NUP214: variants seen among roughly 807,000 people sequenced by gnomAD.
NUP214 encodes the protein nucleoporin 214, also known as nuclear pore complex protein Nup214.
NUP214 carries 79 observed loss-of-function variants against 196.2 expected under a neutral mutation model. The ratio of observed to expected loss-of-function variants is 0.40; its 90% CI spans 0.34 to 0.49. The LOEUF is 0.49. Ranked by LOEUF, NUP214 falls within the 20% of genes least tolerant of loss-of-function variation. NUP214 has a pLI of 0.58. For synonymous variants in NUP214, 1,020 were observed against 990.5 expected (o/e 1.03, Z -0.56); for missense variants, 2,468 against 2,539.0 (o/e 0.97, Z 0.60).
Position 131,232,577 on chromosome 9 carries a change from G to A in NUP214, c.6239+269G>A. 1.8e-6 allele frequency: 1 copy of A among 555,996 alleles called. No homozygotes were observed. The highest frequency in any genetic ancestry group is 3.2e-6 in the Non-Finnish European group (1 of 310,060). 34.4% of individuals were successfully genotyped at this position (555,996 alleles called of 1,614,324 possible). A position where few individuals can be genotyped will look rare whatever the true frequency, so the allele number is the denominator to read the frequency against. ...CGCCTGCCAGTGAGCTGGGCCTGAG[G>A]GCAGCGCTGAGGAGATGCTGCTCCT... On this transcript the variant is annotated intron_variant, in intron 35 of 35. Transcript: ENST00000359428. The surrounding 1 kb of genome is among the most constrained non-coding windows in gnomAD (Gnocchi z 5.1).
intron 26 of NUP214, chr9:131,190,502 A>G: frequency 1.5e-6 from 1 of 685,554 alleles, no homozygotes; most frequent in East Asian, 2.7e-5. Flanking sequence ...TTAGAAAAGA[A>G]CTTTTTTCTT....
intron 11 of NUP214, among the ~76,000 whole-genome samples, chr9:131,142,075 T>A (rs1452344353): frequency 6.6e-6 from 1 of 152,220 alleles, no homozygotes; most frequent in Non-Finnish European, 1.5e-5. Flanking sequence ...ACCAGATGGC[T>A]TGCAGAGTGT....
chr9:131,223,401 G>C (rs950904072), intron 32 of NUP214, among the ~76,000 whole-genome samples: 12 of 152,192 alleles, frequency 7.9e-5, no homozygotes, highest in African/African-American at 2.6e-4. Flanking sequence ...TCTTGACCTT[G>C]TGATCCGCCC....
intron 2 of NUP214, 125 bp downstream of exon 2, chr9:131,127,844 CAAG>C (rs1323049783): frequency 2.3e-5 from 16 of 707,662 alleles, no homozygotes; most frequent in Non-Finnish European, 3.7e-5. Context: ...GGTTGACTCC[CAAG>C]AAGATTAATG....
rs115611924 is a variant in NUP214, at chr9:131,162,031, T to C, written c.2541-960T>C. 8.0e-3 allele frequency among the ~76,000 whole-genome samples: 1,213 copies of C among 152,304 alleles called. 21 individuals carry two copies. Among genetic ancestry groups the C allele is most frequent in the African/African-American group, 0.027 (1,140 of 41,570 alleles). On this transcript the variant is annotated intron_variant, in intron 18 of 35. Transcript: ENST00000359428. Reference sequence around the variant, plus strand: ...TTTTTTGATTTTTTTTTTAAGCTTATCAGCCAGCATTAGTATATTTTATGT... The same window carrying C: ...TTTTTTGATTTTTTTTTTAAGCTTACCAGCCAGCATTAGTATATTTTATGT...
At position 131,233,863 on chromosome 9, in the gene NUP214, C is replaced by T. The variant is rs1307973499; in HGVS notation, c.*376C>T. 4.5e-5 allele frequency: 18 copies of T among 397,738 alleles called. No homozygotes were observed. Among genetic ancestry groups the T allele is most frequent in the Non-Finnish European group, 7.1e-5 (15 of 210,446 alleles). The allele number at this position is 397,738 out of a possible 1,614,324, so 24.6% of individuals were successfully genotyped here. The stretch of plus-strand genomic sequence containing the variant: ...TGTTGATAAACAGCATCGAATGTGC[C>T]GTGGTCTCACTTGGACCTAGCGCCC... On this transcript the variant is annotated 3_prime_UTR_variant, in exon 36 of 36. Transcript: ENST00000359428.
intron 9 of NUP214, chr9:131,136,705 C>G (rs1564179452): frequency 6.6e-6 from 1 of 152,234 alleles, no homozygotes; most frequent in African/African-American, 2.4e-5. Flanking sequence ...GAAAAACTGT[C>G]AGAAGGAGCA....
At chr9:131,194,083 C>G (rs1432174093) in intron 27 of NUP214, 1 of 150,070 alleles carries the variant, frequency 6.7e-6, no homozygotes, top group East Asian at 1.9e-4. Flanking sequence ...GCAAAGGTGT[C>G]TAAGTTATTA....
chr9:131,136,165 A>G (rs1027307146), intron 9 of NUP214, among the ~76,000 whole-genome samples, 159 bp downstream of exon 9: 1 of 152,168 alleles, frequency 6.6e-6, no homozygotes, highest in African/African-American at 2.4e-5. Context: ...TCAGCCTCCC[A>G]AGTAGCTGGG....
At chr9:131,138,446 G>C (rs1250659860) in intron 9 of NUP214, among the ~76,000 whole-genome samples, 1 of 152,086 alleles carries the variant, frequency 6.6e-6, no homozygotes, top group Non-Finnish European at 1.5e-5. Context: ...TCAAACTCCT[G>C]ACCCCAGGTG....
intron 24 of NUP214, among the ~76,000 whole-genome samples, chr9:131,179,250 C>T (rs1359421070): frequency 6.6e-6 from 1 of 152,164 alleles, no homozygotes; most frequent in Non-Finnish European, 1.5e-5. Context: ...GATCCTCTCA[C>T]CTCATCCTCA....
chr9:131,150,477 AC>A, intron 15 of NUP214, 67 bp downstream of exon 15: 3 of 1,577,388 alleles, frequency 1.9e-6, no homozygotes, highest in Non-Finnish European at 2.6e-6. Flanking sequence ...CAGAGTGCCA[AC>A]CCCTGTATGA....
intron 21 of NUP214, among the ~76,000 whole-genome samples, chr9:131,165,637 A>T (rs1832766225): frequency 6.6e-6 from 1 of 152,206 alleles, no homozygotes; most frequent in Admixed American, 6.5e-5. Context: ...TACCCCAAAT[A>T]ATTGAAAATA....
intron 27 of NUP214, among the ~76,000 whole-genome samples, chr9:131,195,016 C>T (rs1052340168): frequency 5.3e-5 from 8 of 152,344 alleles, no homozygotes; most frequent in East Asian, 1.9e-4. Context: ...CAACTGCTAT[C>T]CCTGTCGTAT....
At chr9:131,171,558 T>C (rs1832957291) in intron 21 of NUP214, among the ~76,000 whole-genome samples, 1 of 151,764 alleles carries the variant, frequency 6.6e-6, no homozygotes, top group Non-Finnish European at 1.5e-5. Flanking sequence ...TTTTTTTTTT[T>C]TTTTTTTGTT....
At chr9:131,174,547 C>G (rs1339159845) in intron 22 of NUP214, among the ~76,000 whole-genome samples, 1 of 136,478 alleles carries the variant, frequency 7.3e-6, no homozygotes, top group East Asian at 2.4e-4. Flanking sequence ...CTCCTGGGTT[C>G]AAATGATTCT....
chr9:131,172,867 A>G (rs571869161), intron 21 of NUP214, among the ~76,000 whole-genome samples: 1 of 152,294 alleles, frequency 6.6e-6, no homozygotes, highest in South Asian at 2.1e-4. Flanking sequence ...AGCCATTTTA[A>G]ATAACTTGGG....
At chr9:131,143,894 T>A (rs1194116537) in intron 11 of NUP214, among the ~76,000 whole-genome samples, 1 of 152,178 alleles carries the variant, frequency 6.6e-6, no homozygotes, top group Non-Finnish European at 1.5e-5. Context: ...TCCTTTGTTT[T>A]GAGATACCTG....
chr9:131,140,607 G>A lies in NUP214; in HGVS notation c.1191G>A (p.Val397=). The change falls in exon 11 of 36, where the codon GTG becomes GTA. Residue 397 remains valine, a synonymous_variant. Transcript: ENST00000359428. ...PVLMLLSTDG[V]LCPFYMINQN... The stretch of plus-strand genomic sequence containing the variant: ...TCATGTTACTTTCAACAGATGGTGT[G>A]CTTTGTCCATTTTATATGATTAATC... 1 of 1,613,896 alleles carries A rather than the reference G, an allele frequency of 6.2e-7. No individual in the cohort carries two copies. Among genetic ancestry groups the A allele is most frequent in the Non-Finnish European group, 8.5e-7 (1 of 1,179,870 alleles).
Sources: allele counts gnomAD v4.1 joint callset (sites outside exome capture counted in the v4.1 genomes callset), GRCh38; gene constraint gnomAD v4.1.1; non-coding constraint Gnocchi (gnomAD v3.1); transcripts MANE v1.5; gene names NCBI Gene and HGNC (gene_info 2026-07-23, HGNC 2026-07-21).